Variants in PRKG1 observed in about 807,000 individuals in gnomAD.
PRKG1 encodes cGMP-dependent protein kinase 1.
Under a neutral mutation model 88.1 loss-of-function variants are expected in PRKG1, and 35 were observed. The ratio of observed to expected loss-of-function variants is 0.40; its 90% confidence interval spans 0.30 to 0.53. The LOEUF (loss-of-function observed/expected upper bound fraction) is 0.53. PRKG1 is among the 20% of genes least tolerant of loss of function. PRKG1 has a pLI of 0.59. For synonymous variants in PRKG1, 303 were observed against 292.5 expected, an observed-to-expected ratio of 1.04 and a Z score of -0.37; for missense variants, 540 against 839.8, an observed-to-expected ratio of 0.64 and a Z score of 4.41.
intron 1 of PRKG1, among the ~76,000 whole-genome samples, chr10:51,140,641 T>G (rs907015534): frequency 1.1e-4 from 17 of 152,240 alleles, no homozygotes; most frequent in African/African-American, 4.1e-4. Flanking sequence ...GGCTGTCTTC[T>G]GTGTAGCTCT....
intron 1 of PRKG1, among the ~76,000 whole-genome samples, chr10:51,007,825 G>A (rs1389984287): frequency 6.6e-6 from 1 of 152,208 alleles, no homozygotes; most frequent in Non-Finnish European, 1.5e-5. Context: ...TGGGAAAGTA[G>A]GAAATACTAA....
chr10:51,393,171 C>A (rs539628161), intron 2 of PRKG1, among the ~76,000 whole-genome samples: 7 of 147,050 alleles, frequency 4.8e-5, no homozygotes, highest in Non-Finnish European at 9.0e-5. Flanking sequence ...CGCTCCTCAC[C>A]TCCCAGACGG....
At chr10:51,559,258 A>T (rs1328929852) in intron 3 of PRKG1, among the ~76,000 whole-genome samples, 1 of 152,048 alleles carries the variant, frequency 6.6e-6, no homozygotes, top group African/African-American at 2.4e-5. Context: ...AAAATGCCTT[A>T]TACATTGCTA....
At chr10:52,213,873 A>G (rs1283083762) in intron 9 of PRKG1, among the ~76,000 whole-genome samples, 1 of 152,248 alleles carries the variant, frequency 6.6e-6, no homozygotes, top group Non-Finnish European at 1.5e-5. Context: ...TATAAATAAT[A>G]CTAACGTAAC....
At chr10:51,985,927 A>G (rs1052388241) in intron 5 of PRKG1, among the ~76,000 whole-genome samples, 1 of 152,214 alleles carries the variant, frequency 6.6e-6, no homozygotes, top group Non-Finnish European at 1.5e-5. Context: ...ACTAAACATC[A>G]TAGCTTAGGC....
At chr10:51,871,728 C>T (rs543554262) in intron 4 of PRKG1, among the ~76,000 whole-genome samples, 1 of 152,294 alleles carries the variant, frequency 6.6e-6, no homozygotes, top group African/African-American at 2.4e-5. Context: ...GACTTGACTT[C>T]CCCCAACTCT....
intron 3 of PRKG1, among the ~76,000 whole-genome samples, chr10:51,468,219 T>C (rs957222238): frequency 3.9e-5 from 6 of 152,044 alleles, no homozygotes; most frequent in Non-Finnish European, 5.9e-5. Context: ...TCACATAAAT[T>C]CCACTTGTTT....
intron 5 of PRKG1, among the ~76,000 whole-genome samples, chr10:51,916,927 T>C (rs1363922101): frequency 1.3e-5 from 2 of 152,206 alleles, no homozygotes; most frequent in Non-Finnish European, 2.9e-5. Flanking sequence ...ATGACACATA[T>C]TGTGTGATTT....
chr10:51,205,127 CTTTTTTT>C lies in PRKG1; in HGVS notation c.478+51821_478+51827del, dbSNP rs58176913. On this transcript the variant is annotated intron_variant, in intron 2 of 17. Transcript: ENST00000373980. ...TAAGGAAGAATTTTCATTTTCTTTT[CTTTTTTT>C]TTTTTTTTTTTTTTTTTTTTTTTGA... Among the ~76,000 whole-genome samples, 158 of 64,002 alleles carry C rather than the reference CTTTTTTT, an allele frequency of 2.5e-3. 8 individuals are homozygous for C. The highest frequency in any genetic ancestry group is 7.9e-3 in the African/African-American group (137 of 17,264). The allele number at this position is 64,002 out of a possible 152,430, so 42.0% of individuals were successfully genotyped here. A position where few individuals can be genotyped will look rare whatever the true frequency, so the allele number is the denominator to read the frequency against.
intron 3 of PRKG1, among the ~76,000 whole-genome samples, chr10:51,758,854 AC>A (rs1371477652): frequency 3.1e-5 from 3 of 97,894 alleles, no homozygotes; most frequent in Admixed American, 1.1e-4. Flanking sequence ...CTTCCCCCCC[AC>A]CCCCCGACAG....
chr10:51,497,615 T>C (rs747716987), intron 3 of PRKG1, among the ~76,000 whole-genome samples: 4 of 152,224 alleles, frequency 2.6e-5, no homozygotes, highest in Admixed American at 2.0e-4. Flanking sequence ...CTGATGGATG[T>C]GTCTGTGTTG....
intron 5 of PRKG1, among the ~76,000 whole-genome samples, chr10:51,925,075 A>T (rs935048036): frequency 6.6e-6 from 1 of 151,290 alleles, no homozygotes; most frequent in Non-Finnish European, 1.5e-5. Flanking sequence ...GTGTCTTTGC[A>T]TTGTGGGTTT....
intron 4 of PRKG1, among the ~76,000 whole-genome samples, chr10:51,851,165 C>A (rs1400521212): frequency 6.6e-6 from 1 of 151,984 alleles, no homozygotes; most frequent in African/African-American, 2.4e-5. Context: ...AATATGCTAC[C>A]TTTTGAATAA....
chr10:51,297,310 C>G (rs1257663029), intron 2 of PRKG1, among the ~76,000 whole-genome samples: 1 of 152,140 alleles, frequency 6.6e-6, no homozygotes, highest in East Asian at 1.9e-4. Flanking sequence ...GATGGTGAAC[C>G]TGTGGGTGTT....
chr10:51,952,624 T>C (rs1843211940), intron 5 of PRKG1, among the ~76,000 whole-genome samples: 1 of 152,186 alleles, frequency 6.6e-6, no homozygotes, highest in East Asian at 1.9e-4. Flanking sequence ...GTTCTTAGTG[T>C]AAATAATATT....
At chr10:51,628,008 CTCTT>C (rs762442433) in intron 3 of PRKG1, among the ~76,000 whole-genome samples, 2,338 of 50,214 alleles carry the variant, frequency 0.047, 85 homozygotes, top group African/African-American at 0.098. Context: ...CTCTCTCTCT[CTCTT>C]TCTTTCTTTC....
intron 2 of PRKG1, among the ~76,000 whole-genome samples, chr10:51,403,543 C>A (rs1332030745): frequency 6.6e-6 from 1 of 152,094 alleles, no homozygotes; most frequent in Non-Finnish European, 1.5e-5. Flanking sequence ...GAAATAAATT[C>A]TCCTCATTTA....
At chr10:51,157,610 C>T (rs1009293267) in intron 2 of PRKG1, among the ~76,000 whole-genome samples, 7 of 151,542 alleles carry the variant, frequency 4.6e-5, no homozygotes, top group Non-Finnish European at 1.5e-5. Flanking sequence ...ACCTAATATT[C>T]TAGTATTGGA....
At chr10:51,881,269 A>T (rs1841431931) in intron 4 of PRKG1, among the ~76,000 whole-genome samples, 1 of 152,224 alleles carries the variant, frequency 6.6e-6, no homozygotes, top group Admixed American at 6.5e-5. Context: ...ATAACAAGCT[A>T]ACCCAAACCT....
Sources: allele counts gnomAD v4.1 joint callset (sites outside exome capture counted in the v4.1 genomes callset), GRCh38; gene constraint gnomAD v4.1.1; transcripts MANE v1.5; gene names NCBI Gene and HGNC (gene_info 2026-07-23, HGNC 2026-07-21).